The following STK32B variants were observed in gnomAD, a reference collection of about 807,000 sequenced individuals.
The protein encoded by STK32B is serine/threonine kinase 32B.
In STK32B, 43 loss-of-function variants were observed where a neutral mutation model predicts 52.6. The ratio of observed to expected loss-of-function variants is 0.82; its 90% CI spans 0.64 to 1.05. The LOEUF is 1.05. STK32B is among the 50% of genes least tolerant of loss of function. The probability of loss-of-function intolerance (pLI) is 0.00; values close to 1 mark genes in which losing one functional copy is unlikely to be tolerated. For missense variants in STK32B, 621 were observed against 534.6 expected (o/e 1.16, Z -1.59); for synonymous variants, 238 against 204.3 (o/e 1.17, Z -1.41).
intron 11 of STK32B, among the ~76,000 whole-genome samples, chr4:5,487,576 A>C (rs1719335580): frequency 6.6e-6 from 1 of 152,226 alleles, no homozygotes; most frequent in African/African-American, 2.4e-5. Flanking sequence ...GGGTTGACTT[A>C]AAGAAGAAAA....
intron 4 of STK32B, among the ~76,000 whole-genome samples, chr4:5,335,756 C>T (rs1732629780): frequency 6.6e-6 from 1 of 151,968 alleles, no homozygotes; most frequent in South Asian, 2.1e-4. Flanking sequence ...CTTTCAGGAG[C>T]AGGTTGTTCA....
In STK32B at chr4:5,111,805, A is replaced by G. The variant is rs77437971; in HGVS notation, c.53-28100A>G. 9.7e-3 allele frequency among the ~76,000 whole-genome samples: 1,471 copies of G among 152,194 alleles called. 26 individuals carry two copies. Among genetic ancestry groups the G allele is most frequent in the African/African-American group, 0.033 (1,357 of 41,480 alleles). ...TGGACCTCCTTGATGATTCTATCTC[A>G]GTTTGGGTTTCCTTACAAGCAGATT... is the stretch of plus-strand genomic sequence containing the variant. On this transcript the variant is annotated intron_variant, in intron 1 of 11. Transcript: ENST00000282908.
intron 3 of STK32B, among the ~76,000 whole-genome samples, chr4:5,314,597 G>C (rs1309803652): frequency 6.6e-6 from 1 of 152,208 alleles, no homozygotes; most frequent in East Asian, 1.9e-4. Context: ...TTGAACCCAG[G>C]AGGCGGAGGT....
In STK32B at chr4:5,469,171, G is replaced by C. The variant is rs2109171613; in HGVS notation, c.1106+1101G>C. On this transcript the variant is annotated intron_variant, in intron 11 of 11. Transcript: ENST00000282908. This position sits in a 1 kb window ranked among gnomAD's most constrained non-coding sequence, Gnocchi z 4.7. ...CCCACACTAAGCCAAGCTTTGGGTTGGTGGAGGCAAATCAGAGATGCTTCC... is the reference window on the plus strand; with the variant it reads ...CCCACACTAAGCCAAGCTTTGGGTTCGTGGAGGCAAATCAGAGATGCTTCC... Among the ~76,000 whole-genome samples, 1 of 152,316 alleles carries C rather than the reference G, an allele frequency of 6.6e-6. No homozygotes were observed. The highest frequency in any genetic ancestry group is 1.9e-4 in the East Asian group (1 of 5,174).
intron 9 of STK32B, among the ~76,000 whole-genome samples, chr4:5,464,281 A>G (rs1473034181): frequency 1.3e-5 from 2 of 152,224 alleles, no homozygotes; most frequent in Non-Finnish European, 2.9e-5. Context: ...TGCAGGGGAC[A>G]GGCAAGTTAT....
intron 4 of STK32B, among the ~76,000 whole-genome samples, chr4:5,390,358 C>A (rs980403246): frequency 6.6e-6 from 1 of 152,194 alleles, no homozygotes; most frequent in African/African-American, 2.4e-5. Flanking sequence ...GCAGAATTTC[C>A]CCTTTCACAT....
chr4:5,057,956 A>G (rs1021743742), intron 1 of STK32B, among the ~76,000 whole-genome samples: 2 of 149,688 alleles, frequency 1.3e-5, no homozygotes, highest in Admixed American at 6.6e-5. Context: ...CCTGAATTAC[A>G]TAAGAAGAGA....
chr4:5,361,988 CT>C (rs1734576922), intron 4 of STK32B, among the ~76,000 whole-genome samples: 1 of 152,036 alleles, frequency 6.6e-6, no homozygotes, highest in Non-Finnish European at 1.5e-5. Context: ...AGGTTGCTTC[CT>C]TTTTTCACCA....
chr4:5,141,207 A>G (rs1407057023), intron 2 of STK32B, among the ~76,000 whole-genome samples: 1 of 152,362 alleles, frequency 6.6e-6, no homozygotes, highest in East Asian at 1.9e-4. Flanking sequence ...AGCTCAGGTT[A>G]TGACGCATTT....
Position 5,267,932 on chromosome 4 carries a change from A to G in STK32B, c.261-63288A>G, listed in dbSNP as rs189348174. Among the ~76,000 whole-genome samples, 549 of 152,126 alleles carry G rather than the reference A, an allele frequency of 3.6e-3. 4 individuals are homozygous for G. Among genetic ancestry groups the G allele is most frequent in the African/African-American group, 0.013 (519 of 41,508 alleles). On this transcript the variant is annotated intron_variant, in intron 3 of 11. Transcript: ENST00000282908. ...CTTTGGGGGATAGAGAGTAGGGAGGATGGTTACCGACTCTGAGAAGGGCTT... is the reference window on the plus strand; with the variant it reads ...CTTTGGGGGATAGAGAGTAGGGAGGGTGGTTACCGACTCTGAGAAGGGCTT...
intron 3 of STK32B, among the ~76,000 whole-genome samples, chr4:5,198,541 T>G (rs1477052981): frequency 2.0e-5 from 3 of 152,304 alleles, no homozygotes; most frequent in Non-Finnish European, 4.4e-5. Context: ...GCTGCTATGC[T>G]TCGCCATCTG....
At chr4:5,133,653 T>C (rs1240661746) in intron 1 of STK32B, among the ~76,000 whole-genome samples, 3 of 152,336 alleles carry the variant, frequency 2.0e-5, no homozygotes, top group East Asian at 3.9e-4. Flanking sequence ...ATGCTGATTA[T>C]ATAATAGTCT....
intron 4 of STK32B, among the ~76,000 whole-genome samples, chr4:5,391,100 A>T (rs1018849310): frequency 3.3e-5 from 5 of 151,516 alleles, no homozygotes; most frequent in Non-Finnish European, 7.4e-5. Context: ...CTGGGACTAC[A>T]GGCACCCGCC....
chr4:5,239,921 G>C (rs953527490), intron 3 of STK32B, among the ~76,000 whole-genome samples: 3 of 152,006 alleles, frequency 2.0e-5, no homozygotes, highest in African/African-American at 7.2e-5. Context: ...CATTCCCTCT[G>C]TCTGGGACTC....
chr4:5,471,037 C>A (rs1446011821), intron 11 of STK32B, among the ~76,000 whole-genome samples: 2 of 152,198 alleles, frequency 1.3e-5, no homozygotes, highest in Non-Finnish European at 2.9e-5. Context: ...ACCAGTTGCT[C>A]CTGCAGAATA....
At chr4:5,137,350 A>C (rs1193538332) in intron 1 of STK32B, among the ~76,000 whole-genome samples, 3 of 152,220 alleles carry the variant, frequency 2.0e-5, no homozygotes. Context: ...CCCTAAAGTC[A>C]GACTCCACAG....
intron 11 of STK32B, among the ~76,000 whole-genome samples, chr4:5,485,148 TGAA>T (rs1397038112): frequency 6.6e-6 from 1 of 152,170 alleles, no homozygotes; most frequent in Non-Finnish European, 1.5e-5. Context: ...CTTGCTACAC[TGAA>T]GAAGTTCTCC....
intron 4 of STK32B, among the ~76,000 whole-genome samples, chr4:5,376,977 T>C (rs1212959299): frequency 2.6e-5 from 4 of 151,940 alleles, no homozygotes; most frequent in Non-Finnish European, 4.4e-5. Context: ...AGTTCCCAGC[T>C]CCAGAAAGTC....
chr4:5,423,029 G>C (rs149587977), intron 6 of STK32B, among the ~76,000 whole-genome samples: 1 of 152,230 alleles, frequency 6.6e-6, no homozygotes, highest in African/African-American at 2.4e-5. Flanking sequence ...AAGAGGAGGT[G>C]GGGAGGGAGA....
Sources: allele counts gnomAD v4.1 joint callset (sites outside exome capture counted in the v4.1 genomes callset), GRCh38; gene constraint gnomAD v4.1.1; non-coding constraint Gnocchi (gnomAD v3.1); transcripts MANE v1.5; gene names NCBI Gene and HGNC (gene_info 2026-07-23, HGNC 2026-07-21).